The following BMS1 variants were observed in gnomAD, a reference collection of about 807,000 sequenced individuals.
BMS1 encodes ribosome biogenesis protein BMS1 homolog.
A neutral mutation model predicts 138.7 loss-of-function variants in BMS1; 53 were observed. The ratio of observed to expected loss-of-function variants is 0.38; its 90% CI spans 0.31 to 0.48. The LOEUF is 0.48. Ranked by LOEUF, BMS1 falls within the 20% of genes least tolerant of loss-of-function variation. The probability of loss-of-function intolerance (pLI) is 0.97; values close to 1 mark genes in which losing one functional copy is unlikely to be tolerated. For synonymous variants in BMS1, 504 were observed against 539.9 expected (o/e 0.93, Z 0.92); for missense variants, 1,360 against 1,565.5 (o/e 0.87, Z 2.22).
In BMS1 at chr10:42,790,451, T is replaced by A. The variant is rs1419985912; in HGVS notation, c.576T>A (p.Asn192Lys). 1.9e-6 allele frequency: 3 copies of A among 1,613,836 alleles called. No individual in the cohort carries two copies. In the African/African-American group the frequency reaches 4.0e-5, roughly 22 times the overall value. Reference protein sequence around the residue: ...VLTHLDSFKHNKQLKKTKKRL... With the variant: ...VLTHLDSFKHKKQLKKTKKRL... ...CCCACCTCGACTCCTTCAAGCATAATAAGCAACTGAAGAAGACAAAGAAGC... is the reference window on the plus strand; with the variant it reads ...CCCACCTCGACTCCTTCAAGCATAAAAAGCAACTGAAGAAGACAAAGAAGC... The change falls in exon 5 of 23, where the codon AAT becomes AAA. Residue 192 changes from asparagine to lysine, a missense_variant. By Grantham distance (94) the Asn-to-Lys change is moderately conservative (BLOSUM62 0). Around this residue, in one of 3 missense-constraint regions of BMS1, gnomAD observed 238 missense variants for 311.1 expected, o/e 0.77. Transcript: ENST00000374518.
intron 22 of BMS1, 21 bp downstream of exon 22, chr10:42,830,443 C>T: frequency 6.3e-7 from 1 of 1,581,548 alleles, no homozygotes; most frequent in South Asian, 1.2e-5. Flanking sequence ...CCATGCTGTA[C>T]TGCACGCTGC....
chr10:42,803,387 C>T (rs2132333827), intron 13 of BMS1, among the ~76,000 whole-genome samples: 1 of 152,240 alleles, frequency 6.6e-6, no homozygotes, highest in Admixed American at 6.5e-5. Flanking sequence ...AATCTTCCCG[C>T]CTTAGCCTTC....
In BMS1 at chr10:42,827,400, G is replaced by A. The variant is rs570018843; in HGVS notation, c.3457-2861G>A. On this transcript the variant is annotated intron_variant, in intron 21 of 22. Coordinates refer to ENST00000374518, the MANE Select transcript of BMS1 (RefSeq NM_014753.4). ...CAGCTCAGTGTAACAGTGGCCCACC[G>A]GCCACTAGGTGGGGGTGATATAGAG... Among the ~76,000 whole-genome samples, 28 of 152,322 alleles carry A rather than the reference G, an allele frequency of 1.8e-4. No individual in the cohort carries two copies. The East Asian group carries it at 4.8e-3, about 26-fold the overall frequency.
At position 42,820,625 on chromosome 10, in the gene BMS1, A is replaced by G. The variant is rs1229265517; in HGVS notation, c.2887A>G (p.Asn963Asp). The G allele has an allele frequency of 6.2e-7, 1 of 1,612,008 alleles. No homozygotes were observed. The highest frequency in any genetic ancestry group is 1.7e-5 in the Admixed American group (1 of 60,012). ...TIPLYYIEDH[N>D]GRQRLLKYTP... ...CCCACTGTATTATATCGAAGACCAC[A>G]ATGGAAGACAAAGGCTTCTAAAGTA... Residue 963 changes from asparagine to aspartate, a missense_variant, in exon 17 of 23, where the codon AAT becomes GAT. Physicochemically the swap from Asn to Asp is conservative, Grantham distance 23 (BLOSUM62 1). This residue lies in a region of BMS1 where 425 missense variants were observed against 568.3 expected (regional missense o/e 0.75). Transcript: ENST00000374518.
intron 13 of BMS1, among the ~76,000 whole-genome samples, chr10:42,812,773 G>A (rs577216299): frequency 1.3e-5 from 2 of 152,242 alleles, no homozygotes; most frequent in Non-Finnish European, 2.9e-5. Context: ...AGCACACAAT[G>A]ACCAATGGTT....
At position 42,785,548 on chromosome 10, in the gene BMS1, A is replaced by G. The variant is rs1225379810; in HGVS notation, c.243A>G (p.Pro81=). Residue 81 remains proline, a synonymous_variant, in exon 3 of 23, where the codon CCA becomes CCG. Transcript: ENST00000374518. ...PVVDRTPLEP[P]PIVVVVMGPP... ...TTGATCGAACTCCACTAGAGCCCCCACCAATAGTGGTAGTGGTGATGGGAC... is the reference window on the plus strand; with the variant it reads ...TTGATCGAACTCCACTAGAGCCCCCGCCAATAGTGGTAGTGGTGATGGGAC... 2 of 1,613,820 alleles carry G rather than the reference A, an allele frequency of 1.2e-6. No individual in the cohort carries two copies. The highest frequency in any genetic ancestry group is 1.7e-5 in the Admixed American group (1 of 60,000).
At chr10:42,795,341 A>G (rs1038540591) in intron 9 of BMS1, among the ~76,000 whole-genome samples, 3 of 149,334 alleles carry the variant, frequency 2.0e-5, no homozygotes, top group African/African-American at 7.4e-5. Flanking sequence ...TTTTTTTGTG[A>G]CAAGATCTTG....
At chr10:42,817,926 G>C (rs922427705) in intron 15 of BMS1, among the ~76,000 whole-genome samples, 1 of 152,196 alleles carries the variant, frequency 6.6e-6, no homozygotes, top group Non-Finnish European at 1.5e-5. Context: ...GAAGTGCTCT[G>C]AAAACTCATC....
intron 12 of BMS1, among the ~76,000 whole-genome samples, chr10:42,799,185 A>G (rs879774763): frequency 6.6e-6 from 1 of 152,108 alleles, no homozygotes; most frequent in Non-Finnish European, 1.5e-5. Flanking sequence ...GTATGGCTCA[A>G]TGCAGCCACG....
chr10:42,787,258 AG>A lies in BMS1; in HGVS notation c.447+15del. 9.9e-7 allele frequency: 1 copy of A among 1,009,846 alleles called. No individual in the cohort carries two copies. The highest frequency in any genetic ancestry group is 1.6e-5 in the African/African-American group (1 of 63,486). 62.6% of individuals were successfully genotyped at this position (1,009,846 alleles called of 1,614,324 possible). On this transcript the variant is annotated intron_variant, in intron 4 of 22. Transcript: ENST00000374518. ...AAAGTAGCAGATCTGGTAAGTGAGC[AG>A]GGGCAGCCTGGGGTGCTGATGGAGA... is the stretch of plus-strand genomic sequence containing the variant.
Position 42,831,194 on chromosome 10 carries a change from G to C in BMS1, c.*98G>C. 8.0e-7 allele frequency: 1 copy of C among 1,247,386 alleles called. No individual in the cohort carries two copies. Among genetic ancestry groups the C allele is most frequent in the African/African-American group, 1.5e-5 (1 of 65,782 alleles). The allele number at this position is 1,247,386 out of a possible 1,614,324, so 77.3% of individuals were successfully genotyped here. A position where few individuals can be genotyped will look rare whatever the true frequency, so the allele number is the denominator to read the frequency against. On this transcript the variant is annotated 3_prime_UTR_variant, in exon 23 of 23. Coordinates refer to ENST00000374518, the MANE Select transcript of BMS1 (RefSeq NM_014753.4). ...GTGAATGACAAGTCAGTGGGAAAGA[G>C]CTCAAGAGATGTCTCTACTCAAACT...
At position 42,784,551 on chromosome 10, in the gene BMS1, A is replaced by G. The variant is rs527946941; in HGVS notation, c.157A>G (p.Met53Val). The change falls in exon 2 of 23, where the codon ATG becomes GTG. Residue 53 changes from methionine to valine, a missense_variant. Physicochemically the swap from Met to Val is conservative, Grantham distance 21. Around this residue, in one of 3 missense-constraint regions of BMS1, gnomAD observed 238 missense variants for 311.1 expected, o/e 0.77. Transcript: ENST00000374518. ...KAFAVQSAVR[M>V]ARSFHRTQDL... Reference sequence around the variant, plus strand: ...TTTTGCAGTTCAGTCTGCTGTGCGGATGGCTCGATCCTTTCACAGGTATGT... The same window carrying G: ...TTTTGCAGTTCAGTCTGCTGTGCGGGTGGCTCGATCCTTTCACAGGTATGT... The G allele has an allele frequency of 5.0e-6, 8 of 1,613,094 alleles. No homozygotes were observed. Among genetic ancestry groups the G allele is most frequent in the African/African-American group, 1.3e-5 (1 of 74,982 alleles).
chr10:42,811,674 G>A (rs374358760), intron 13 of BMS1, among the ~76,000 whole-genome samples: 5 of 149,622 alleles, frequency 3.3e-5, no homozygotes, highest in Admixed American at 6.6e-5. Flanking sequence ...ACAGGCGCCC[G>A]CCACTACGCC....
intron 20 of BMS1, 127 bp downstream of exon 20, chr10:42,823,392 T>G: frequency 2.3e-6 from 3 of 1,311,600 alleles, no homozygotes; most frequent in Non-Finnish European, 3.1e-6. Flanking sequence ...TCTCCCAGTC[T>G]TATGGGTGTG....
At position 42,823,161 on chromosome 10, in the gene BMS1, C is replaced by G; in HGVS notation, c.3176C>G (p.Ala1059Gly). 6.2e-7 allele frequency: 1 copy of G among 1,607,440 alleles called. No homozygotes were observed. Among genetic ancestry groups the G allele is most frequent in the Non-Finnish European group, 8.5e-7 (1 of 1,178,208 alleles). Residue 1059 changes from alanine to glycine, a missense_variant, in exon 20 of 23, where the codon GCT (alanine) becomes GGT (glycine). Transcript: ENST00000374518. ...SALEVAKFEGAVIRTVSGIRG... is the reference protein window; with the variant it reads ...SALEVAKFEGGVIRTVSGIRG... ...TTGGAAGTGGCCAAATTTGAAGGTG[C>G]TGTGATTCGAACAGTCAGTGGGATA...
intron 13 of BMS1, among the ~76,000 whole-genome samples, chr10:42,806,277 G>T (rs1842008621): frequency 6.6e-6 from 1 of 152,194 alleles, no homozygotes; most frequent in African/African-American, 2.4e-5. Context: ...CTACAGAAAG[G>T]CTGAGATAGA....
At chr10:42,785,782 G>T in intron 3 of BMS1, 110 bp downstream of exon 3, 1 of 1,245,468 alleles carries the variant, frequency 8.0e-7, no homozygotes, top group Non-Finnish European at 1.1e-6. Flanking sequence ...GTCATATCAT[G>T]GGACTTCTCT....
rs1390840803 is a variant in BMS1 at position 42,793,868 on chromosome 10, C to T, written c.1106C>T (p.Thr369Ile). 6.2e-7 allele frequency: 1 copy of T among 1,611,546 alleles called. No homozygotes were observed. Among genetic ancestry groups the T allele is most frequent in the Non-Finnish European group, 8.5e-7 (1 of 1,179,790 alleles). The change falls in exon 9 of 23, where the codon ACC (threonine) becomes ATC (isoleucine). Residue 369 changes from threonine to isoleucine, a missense_variant. Physicochemically the swap from Thr to Ile is moderately conservative, Grantham distance 89. This residue lies in a region of BMS1 where 697 missense variants were observed against 686.2 expected (regional missense o/e 1.02). Transcript: ENST00000374518. ...TCTTGACAGGATGAAGTGGGGCCCA[C>T]CCATGAGCTGGTCCAGAGTCTCATC... Reference protein sequence around the residue: ...SHVFQDEVGPTHELVQSLIST... With the variant: ...SHVFQDEVGPIHELVQSLIST...
chr10:42,789,552 TTA>T (rs1373575865), intron 4 of BMS1, among the ~76,000 whole-genome samples: 1 of 152,070 alleles, frequency 6.6e-6, no homozygotes, highest in Non-Finnish European at 1.5e-5. Context: ...TCTCATCTGC[TTA>T]TATTTTCTTA....
Sources: gnomAD v4.1 joint callset for allele counts (sites outside exome capture counted in the v4.1 genomes callset) on GRCh38, gnomAD v4.1.1 for gene constraint, gnomAD v4.1.1 regional missense constraint, MANE v1.5 for transcripts, NCBI Gene and HGNC (gene_info 2026-07-23, HGNC 2026-07-21) for gene names.